ISM1: variants seen among roughly 807,000 people sequenced by gnomAD.
The protein encoded by ISM1 is isthmin-1.
ISM1 carries 25 observed loss-of-function variants against 46.3 expected under a neutral mutation model. That is an observed-to-expected ratio of 0.54 (90% CI 0.39 to 0.75). The LOEUF is 0.75. Among genes scored for constraint, ISM1 ranks in the 30% least tolerant of loss-of-function variants. ISM1 has a pLI of 0.00. For synonymous variants in ISM1, 255 were observed against 256.7 expected, an observed-to-expected ratio of 0.99 and a Z score of 0.06; for missense variants, 536 against 625.4, an observed-to-expected ratio of 0.86 and a Z score of 1.52.
intron 1 of ISM1, among the ~76,000 whole-genome samples, chr20:13,268,114 G>C (rs6131458): frequency 1.4e-5 from 2 of 140,390 alleles, no homozygotes; most frequent in African/African-American, 5.5e-5. Flanking sequence ...CTCCTCTCCT[G>C]TCTTCTCTTC....
intron 1 of ISM1, among the ~76,000 whole-genome samples, chr20:13,247,517 G>GT (rs1555810245): frequency 7.2e-6 from 1 of 139,806 alleles, no homozygotes; most frequent in African/African-American, 2.7e-5. Flanking sequence ...CAAAGTGAGG[G>GT]GTGTGTGTGT....
At chr20:13,321,685 T>C in the ISM1 span, among the ~76,000 whole-genome samples, 1 of 152,248 alleles carries the variant, frequency 6.6e-6, no homozygotes, top group African/African-American at 2.4e-5. Flanking sequence ...GTGAAGCTGA[T>C]GAATGACTGC....
chr20:13,295,460 C>T (rs1488854865), intron 5 of ISM1, among the ~76,000 whole-genome samples: 6 of 152,312 alleles, frequency 3.9e-5, no homozygotes, highest in Middle Eastern at 3.4e-3. Context: ...CCCAGACATC[C>T]CCAGCAGATT....
At chr20:13,234,801 C>A (rs1470227663) in intron 1 of ISM1, among the ~76,000 whole-genome samples, 4 of 152,040 alleles carry the variant, frequency 2.6e-5, no homozygotes, top group African/African-American at 9.7e-5. Context: ...TTAACGAGGT[C>A]ATTTGGTTTT....
At position 13,279,833 on chromosome 20, in the gene ISM1, C is replaced by A. The variant is rs3747933; in HGVS notation, c.578C>A (p.Pro193His). 6.2e-7 allele frequency: 1 copy of A among 1,613,884 alleles called. No individual in the cohort carries two copies. The highest frequency in any genetic ancestry group is 8.5e-7 in the Non-Finnish European group (1 of 1,179,776). The change falls in exon 3 of 6, where the codon CCC becomes CAC. Residue 193 changes from proline (P) to histidine (H), a missense_variant. Pro to His is a moderately conservative substitution (Grantham distance 77). Transcript: ENST00000262487. ...GACGACAGCAACTTCCTCAACCCCCCCAGGGGGTGGGACCATACAGCCCCA... is the reference window on the plus strand; with the variant it reads ...GACGACAGCAACTTCCTCAACCCCCACAGGGGGTGGGACCATACAGCCCCA... ...TSDDSNFLNP[P>H]RGWDHTAPGH...
At chr20:13,250,510 A>G (rs1325510391) in intron 1 of ISM1, among the ~76,000 whole-genome samples, 1 of 152,240 alleles carries the variant, frequency 6.6e-6, no homozygotes, top group African/African-American at 2.4e-5. Flanking sequence ...ACAGTTAAGC[A>G]TGCCAGGCAG....
intron 1 of ISM1, among the ~76,000 whole-genome samples, chr20:13,224,186 C>A (rs920728229): frequency 1.3e-5 from 2 of 152,140 alleles, no homozygotes; most frequent in African/African-American, 4.8e-5. Flanking sequence ...ACTCAATGCA[C>A]ACACTTTTCC....
chr20:13,282,333 G>A (rs940661073), intron 3 of ISM1, among the ~76,000 whole-genome samples: 1 of 152,186 alleles, frequency 6.6e-6, no homozygotes, highest in Non-Finnish European at 1.5e-5. Flanking sequence ...GGAGTCTGTT[G>A]TTTGCATCTT....
At chr20:13,222,992 G>A (rs2039469057) in intron 1 of ISM1, among the ~76,000 whole-genome samples, 3 of 151,976 alleles carry the variant, frequency 2.0e-5, no homozygotes, top group Non-Finnish European at 4.4e-5. Context: ...GTGAAACCCC[G>A]TCTCTACTAA....
intron 1 of ISM1, among the ~76,000 whole-genome samples, chr20:13,241,650 C>T (rs2039725145): frequency 6.6e-6 from 1 of 152,068 alleles, no homozygotes; most frequent in African/African-American, 2.4e-5. Flanking sequence ...AGGGCAGGAG[C>T]ACAAGTAGGA....
intron 4 of ISM1, among the ~76,000 whole-genome samples, chr20:13,289,783 T>C (rs1464648590): frequency 6.6e-6 from 1 of 152,144 alleles, no homozygotes; most frequent in Non-Finnish European, 1.5e-5. Context: ...TAACTCCTGG[T>C]GTATAGTCTT....
intron 1 of ISM1, among the ~76,000 whole-genome samples, chr20:13,227,114 T>C (rs1200653185): frequency 6.6e-6 from 1 of 152,226 alleles, no homozygotes; most frequent in Non-Finnish European, 1.5e-5. Flanking sequence ...TATTGCAACT[T>C]CTGCTCTTTC....
chr20:13,306,990 C>A, the ISM1 span, among the ~76,000 whole-genome samples: 1 of 152,202 alleles, frequency 6.6e-6, no homozygotes, highest in South Asian at 2.1e-4. Flanking sequence ...TTGAATCCCT[C>A]TTGAGGGCTC....
In ISM1 at chr20:13,279,762, C is replaced by G. The variant is rs373209074; in HGVS notation, c.507C>G (p.Ala169=). ...RAWWQRSLSL[A]RANSGDQDYK... ...GGTGGCAGAGGTCCCTGTCCTTGGC[C>G]AGGGCAAACAGCGGGGACCAGGACT... Residue 169 remains alanine (A), a synonymous_variant, in exon 3 of 6, where the codon GCC becomes GCG. Coordinates refer to ENST00000262487, the MANE Select transcript of ISM1 (RefSeq NM_080826.2). The G allele has an allele frequency of 1.2e-4, 194 of 1,613,916 alleles. No homozygotes were observed. The highest frequency in any genetic ancestry group is 1.5e-4 in the Non-Finnish European group (175 of 1,179,902).
At position 13,271,881 on chromosome 20, in the gene ISM1, C is replaced by T. The variant is rs542993419; in HGVS notation, c.378+1138C>T. Among the ~76,000 whole-genome samples, 145 of 152,292 alleles carry T rather than the reference C, an allele frequency of 9.5e-4. 1 individual carries two copies. The highest frequency in any genetic ancestry group is 3.3e-3 in the African/African-American group (136 of 41,572). Reference sequence around the variant, plus strand: ...GCAGCCCCTACCTCCCAGGCTCAAGCGATCCTCCCACCTCAGCCTCCCGAG... The same window carrying T: ...GCAGCCCCTACCTCCCAGGCTCAAGTGATCCTCCCACCTCAGCCTCCCGAG... On this transcript the variant is annotated intron_variant, in intron 2 of 5. Coordinates refer to ENST00000262487, the MANE Select transcript of ISM1 (RefSeq NM_080826.2).
chr20:13,299,115 G>A lies in ISM1; in HGVS notation c.1051G>A (p.Ala351Thr), dbSNP rs772541352. The A allele has an allele frequency of 1.3e-5, 21 of 1,613,190 alleles. No individual in the cohort carries two copies. Among genetic ancestry groups the A allele is most frequent in the Non-Finnish European group, 1.4e-5 (17 of 1,179,664 alleles). The change falls in exon 6 of 6, where the codon GCC (alanine) becomes ACC (threonine). Residue 351 changes from alanine (A) to threonine (T), a missense_variant. By Grantham distance (58) the Ala-to-Thr change is moderately conservative. This residue lies in a region of ISM1 where 169 missense variants were observed against 249.3 expected (regional missense o/e 0.68). Coordinates refer to ENST00000262487, the MANE Select transcript of ISM1 (RefSeq NM_080826.2). This position sits in a 1 kb window ranked among gnomAD's most constrained non-coding sequence, Gnocchi z 5.8. ...IKRKDFRWKD[A>T]SGPKEKLEIY... ...GCGCAAGGACTTCCGCTGGAAGGAC[G>A]CCAGCGGGCCCAAGGAGAAGCTGGA... is the stretch of plus-strand genomic sequence containing the variant.
At chr20:13,225,722 A>C (rs796660442) in intron 1 of ISM1, among the ~76,000 whole-genome samples, 6 of 152,322 alleles carry the variant, frequency 3.9e-5, no homozygotes, top group African/African-American at 1.4e-4. Flanking sequence ...TGAGAAAACT[A>C]TCTGCAGTAG....
the ISM1 span, among the ~76,000 whole-genome samples, chr20:13,323,325 C>A: frequency 6.6e-6 from 1 of 152,276 alleles, no homozygotes; most frequent in African/African-American, 2.4e-5. Flanking sequence ...ACTGGAAACA[C>A]AATGACTCAG....
chr20:13,261,553 A>G (rs949707253), intron 1 of ISM1, among the ~76,000 whole-genome samples: 2 of 152,156 alleles, frequency 1.3e-5, no homozygotes, highest in Non-Finnish European at 2.9e-5. Flanking sequence ...CAGAGGTGCA[A>G]TAACTTACCA....
Sources: allele counts gnomAD v4.1 joint callset (sites outside exome capture counted in the v4.1 genomes callset), GRCh38; gene constraint gnomAD v4.1.1; regional missense constraint gnomAD v4.1.1; non-coding constraint Gnocchi (gnomAD v3.1); transcripts MANE v1.5; gene names NCBI Gene and HGNC (gene_info 2026-07-23, HGNC 2026-07-21).